STPG2: variants seen among roughly 807,000 people sequenced by gnomAD.
STPG2 encodes sperm tail PG-rich repeat containing 2.
STPG2 carries 56 observed loss-of-function variants against 54.2 expected under a neutral mutation model. The ratio of observed to expected loss-of-function variants is 1.03; its 90% confidence interval spans 0.83 to 1.29. The LOEUF (loss-of-function observed/expected upper bound fraction) is 1.29, where lower values mean the gene tolerates loss of function less well. Among genes scored for constraint, STPG2 ranks in the 50% most tolerant of loss-of-function variants. STPG2 has a pLI of 0.00. For synonymous variants in STPG2, 200 were observed against 181.8 expected, an observed-to-expected ratio of 1.10 and a Z score of -0.81; for missense variants, 596 against 544.9, an observed-to-expected ratio of 1.09 and a Z score of -0.93.
At chr4:98,050,730 G>C (rs1404537399) in intron 5 of STPG2, among the ~76,000 whole-genome samples, 1 of 152,200 alleles carries the variant, frequency 6.6e-6, no homozygotes, top group East Asian at 1.9e-4. Context: ...AGGAAGCCGG[G>C]CGCGGTGGCT....
At chr4:97,771,175 C>T (rs1726205983) in intron 9 of STPG2, among the ~76,000 whole-genome samples, 1 of 152,050 alleles carries the variant, frequency 6.6e-6, no homozygotes, top group Non-Finnish European at 1.5e-5. Context: ...ATCCTATTGG[C>T]ATAACAAGGT....
At chr4:97,726,288 G>A (rs550116034) in intron 9 of STPG2, among the ~76,000 whole-genome samples, 98 of 152,006 alleles carry the variant, frequency 6.4e-4, no homozygotes, top group African/African-American at 2.3e-3. Flanking sequence ...AGTGGTCAGG[G>A]GCTAGAGAGG....
At chr4:97,598,537 C>T (rs1328220369) in intron 10 of STPG2, among the ~76,000 whole-genome samples, 1 of 148,814 alleles carries the variant, frequency 6.7e-6, no homozygotes, top group Non-Finnish European at 1.5e-5. Context: ...TACAGTAGCC[C>T]AAACAGCATG....
At chr4:97,450,932 A>G (rs1009960367) in intron 4 of STPG2, among the ~76,000 whole-genome samples, 1 of 152,160 alleles carries the variant, frequency 6.6e-6, no homozygotes, top group Non-Finnish European at 1.5e-5. Flanking sequence ...GGAATTATTA[A>G]TATTTATTTA....
intron 10 of STPG2, among the ~76,000 whole-genome samples, chr4:97,562,183 A>T (rs1318729574): frequency 6.6e-6 from 1 of 151,944 alleles, no homozygotes; most frequent in Non-Finnish European, 1.5e-5. Flanking sequence ...ATTCCTAGGT[A>T]TTTTATTCTC....
At chr4:97,621,461 C>T (rs1734008710) in intron 10 of STPG2, among the ~76,000 whole-genome samples, 1 of 151,980 alleles carries the variant, frequency 6.6e-6, no homozygotes, top group South Asian at 2.1e-4. Flanking sequence ...ATCACTGACC[C>T]CACAGACATA....
chr4:98,123,490 G>A (rs990558102), intron 3 of STPG2, among the ~76,000 whole-genome samples: 5 of 152,082 alleles, frequency 3.3e-5, no homozygotes, highest in Non-Finnish European at 7.3e-5. Flanking sequence ...CCATATAGTC[G>A]TGTGGTTTTG....
intron 5 of STPG2, among the ~76,000 whole-genome samples, chr4:98,045,551 G>A (rs766032435): frequency 3.3e-5 from 5 of 151,996 alleles, no homozygotes; most frequent in Non-Finnish European, 7.4e-5. Flanking sequence ...AAACTCCCTT[G>A]GCTTTTATTT....
At chr4:98,114,264 GT>G (rs1275126810) in intron 3 of STPG2, among the ~76,000 whole-genome samples, 2 of 152,142 alleles carry the variant, frequency 1.3e-5, no homozygotes, top group Non-Finnish European at 2.9e-5. Context: ...TCCCATTTAT[GT>G]TAGAGTTTAT....
intron 5 of STPG2, among the ~76,000 whole-genome samples, chr4:97,985,967 C>T (rs887458507): frequency 7.0e-6 from 1 of 143,696 alleles, no homozygotes; most frequent in East Asian, 2.0e-4. Context: ...CACACACACA[C>T]ACATACACAC....
chr4:97,709,475 A>G (rs546253968), intron 10 of STPG2, among the ~76,000 whole-genome samples: 1 of 134,952 alleles, frequency 7.4e-6, no homozygotes, highest in South Asian at 2.6e-4. Flanking sequence ...GTAACCTGCA[A>G]AAATTAAAAA....
intron 10 of STPG2, among the ~76,000 whole-genome samples, chr4:97,684,935 G>A (rs1303352934): frequency 6.6e-6 from 1 of 151,862 alleles, no homozygotes; most frequent in Non-Finnish European, 1.5e-5. Flanking sequence ...CCTCACTAAA[G>A]AAGATATACA....
intron 6 of STPG2, among the ~76,000 whole-genome samples, chr4:97,974,601 C>T (rs1734442458): frequency 1.3e-5 from 2 of 152,134 alleles, no homozygotes; most frequent in Admixed American, 6.6e-5. Flanking sequence ...GGGTCTTTCC[C>T]GTGTTGTTCT....
chr4:97,800,379 T>C (rs567713097), intron 9 of STPG2, among the ~76,000 whole-genome samples: 5 of 152,364 alleles, frequency 3.3e-5, no homozygotes, highest in East Asian at 1.9e-4. Context: ...ATCCTTTCTG[T>C]TTGTTAGTTT....
chr4:97,700,972 A>G (rs1723753937), intron 10 of STPG2, among the ~76,000 whole-genome samples: 1 of 152,182 alleles, frequency 6.6e-6, no homozygotes, highest in Non-Finnish European at 1.5e-5. Flanking sequence ...ATTCTCCAAG[A>G]TCCATCTGTC....
chr4:97,815,430 G>A lies in STPG2; in HGVS notation c.1204+25343C>T, dbSNP rs1411142734. Among the ~76,000 whole-genome samples, 17 of 152,040 alleles carry A rather than the reference G, an allele frequency of 1.1e-4. No homozygotes were observed. The East Asian group carries it at 2.1e-3, about 19-fold the overall frequency. On this transcript the variant is annotated intron_variant, in intron 9 of 10. Transcript: ENST00000295268. Reference sequence around the variant, plus strand: ...TCTCTAATGAGCATTTCCTTTGAGCGTCATTCAGTGCTCAAAAAGTTTCAG... The same window carrying A: ...TCTCTAATGAGCATTTCCTTTGAGCATCATTCAGTGCTCAAAAAGTTTCAG...
Position 97,864,800 on chromosome 4 carries a change from T to C in STPG2, c.1045-23868A>G, listed in dbSNP as rs531987856. ...AGAAGTAATACCACACATCTACAAC[T>C]ATCTGATCTTTGACAAACCTGACAC... is the stretch of plus-strand genomic sequence containing the variant. On this transcript the variant is annotated intron_variant, in intron 8 of 10. Transcript: ENST00000295268. 1.7e-3 allele frequency among the ~76,000 whole-genome samples: 263 copies of C among 152,056 alleles called. 2 individuals carry two copies. Among genetic ancestry groups the C allele is most frequent in the African/African-American group, 5.4e-3 (226 of 41,504 alleles).
chr4:98,028,842 C>T (rs942359519), intron 5 of STPG2, among the ~76,000 whole-genome samples: 4 of 152,096 alleles, frequency 2.6e-5, no homozygotes, highest in African/African-American at 9.7e-5. Flanking sequence ...ATATTACCCA[C>T]TAAATACAAG....
At chr4:97,537,565 G>A (rs945641908) in intron 4 of STPG2, among the ~76,000 whole-genome samples, 4 of 152,168 alleles carry the variant, frequency 2.6e-5, no homozygotes, top group African/African-American at 7.2e-5. Context: ...ACTGGGTGGA[G>A]CCCACCTCAG....
Sources: allele counts gnomAD v4.1 joint callset (sites outside exome capture counted in the v4.1 genomes callset), GRCh38; gene constraint gnomAD v4.1.1; transcripts MANE v1.5; gene names NCBI Gene and HGNC (gene_info 2026-07-23, HGNC 2026-07-21).